The following GUCY2C variants were observed in gnomAD, a reference collection of about 807,000 sequenced individuals.
The protein encoded by GUCY2C is guanylyl cyclase C.
In GUCY2C, 118 loss-of-function variants were observed where a neutral mutation model predicts 131.1. The ratio of observed to expected loss-of-function variants is 0.90; its 90% CI spans 0.78 to 1.05. The LOEUF is 1.05. Ranked by LOEUF, GUCY2C falls within the 50% of genes least tolerant of loss-of-function variation. GUCY2C has a pLI of 0.00. For missense variants in GUCY2C, 1,161 were observed against 1,304.4 expected (o/e 0.89, Z 1.69); for synonymous variants, 452 against 457.8 (o/e 0.99, Z 0.16).
chr12:14,677,822 C>T (rs1343113544), intron 6 of GUCY2C, among the ~76,000 whole-genome samples: 3 of 151,142 alleles, frequency 2.0e-5, no homozygotes, highest in East Asian at 2.0e-4. Context: ...TCAGGTGATC[C>T]GCCTGTCTTG....
chr12:14,656,521 A>G lies in GUCY2C; in HGVS notation c.1461T>C (p.Val487=). 6.4e-7 allele frequency: 1 copy of G among 1,560,332 alleles called. No homozygotes were observed. Among genetic ancestry groups the G allele is most frequent in the Non-Finnish European group, 8.8e-7 (1 of 1,131,366 alleles). ...GTAAGGTAGGCTTTACCTTGAGGCT[A>G]ACATGATTGGTCTCATTGGTCTCCA... ...FPLETNETNH[V]SLKIDDDKRR... is the part of the protein sequence containing the mutation. The change falls in exon 12 of 27, where the codon GTT becomes GTC. Residue 487 remains valine (V), a synonymous_variant. Transcript: ENST00000261170.
intron 1 of GUCY2C, among the ~76,000 whole-genome samples, chr12:14,692,821 C>A (rs1257531937): frequency 2.6e-5 from 4 of 152,220 alleles, no homozygotes; most frequent in Admixed American, 6.5e-5. Flanking sequence ...TGCACTCCAG[C>A]CTGGGCAACA....
At chr12:14,689,735 C>T (rs2137108882) in intron 1 of GUCY2C, among the ~76,000 whole-genome samples, 1 of 152,210 alleles carries the variant, frequency 6.6e-6, no homozygotes, top group African/African-American at 2.4e-5. Flanking sequence ...TAGTGATGCA[C>T]CAAAATGTTA....
chr12:14,643,669 T>C lies in GUCY2C; in HGVS notation c.1835A>G (p.His612Arg), dbSNP rs1238942744. Residue 612 changes from histidine (H) to arginine (R), a missense_variant, in exon 17 of 27, where the codon CAT becomes CGT. His to Arg is a conservative substitution (Grantham distance 29). Transcript: ENST00000261170. Reference sequence around the variant, plus strand: ...GCAGTTGGTAGATTTCAGACGACCATGGACTTCTGTCTTACTGGAGTGCAG... The same window carrying C: ...GCAGTTGGTAGATTTCAGACGACCACGGACTTCTGTCTTACTGGAGTGCAG... Reference protein sequence around the residue: ...SYLHSSKTEVHGRLKSTNCVV... With the variant: ...SYLHSSKTEVRGRLKSTNCVV... 6.2e-7 allele frequency: 1 copy of C among 1,613,380 alleles called. No homozygotes were observed. The highest frequency in any genetic ancestry group is 1.3e-5 in the African/African-American group (1 of 75,034).
At chr12:14,664,623 G>A (rs947143925) in intron 10 of GUCY2C, among the ~76,000 whole-genome samples, 1 of 152,026 alleles carries the variant, frequency 6.6e-6, no homozygotes, top group African/African-American at 2.4e-5. Context: ...CTGCCTTCTG[G>A]TGGCTGCTGT....
rs776506885 is a variant in GUCY2C, at chr12:14,696,301, G to A, written c.148C>T (p.Pro50Ser). 1 of 1,614,110 alleles carries A rather than the reference G, an allele frequency of 6.2e-7. No homozygotes were observed. The highest frequency in any genetic ancestry group is 1.3e-5 in the African/African-American group (1 of 75,028). Residue 50 changes from proline to serine, a missense_variant, in exon 1 of 27, where the codon CCC becomes TCC. Physicochemically the swap from Pro to Ser is moderately conservative, Grantham distance 74 (BLOSUM62 -1). Coordinates refer to ENST00000261170, the MANE Select transcript of GUCY2C (RefSeq NM_004963.4). Reference protein sequence around the residue: ...LMMGNSAFAEPLKNLEDAVNE... With the variant: ...LMMGNSAFAESLKNLEDAVNE... The stretch of plus-strand genomic sequence containing the variant: ...ACCGCATCTTCCAAGTTTTTCAGGG[G>A]CTCTGCAAAGGCTGAGTTGCCCATC...
In GUCY2C at chr12:14,636,933, T is replaced by TA. The variant is rs913717688; in HGVS notation, c.2157+2928dup. Reference sequence around the variant, plus strand: ...GTGAAACCCCGTCTCTACTAAAATATAAAAAAAAAATTAGCTGGGCTTGGT... The same window carrying TA: ...GTGAAACCCCGTCTCTACTAAAATATAAAAAAAAAAATTAGCTGGGCTTGGT... On this transcript the variant is annotated intron_variant, in intron 19 of 26. Transcript: ENST00000261170. Among the ~76,000 whole-genome samples, 33 of 148,156 alleles carry TA rather than the reference T, an allele frequency of 2.2e-4. No homozygotes were observed. The South Asian group carries it at 2.8e-3, about 12-fold the overall frequency.
At chr12:14,685,273 G>A (rs577096669) in intron 3 of GUCY2C, among the ~76,000 whole-genome samples, 6 of 152,290 alleles carry the variant, frequency 3.9e-5, no homozygotes, top group South Asian at 2.1e-4. Context: ...GGATCTGTCC[G>A]CATTTTGGTA....
At chr12:14,634,923 C>G (rs1468177043) in intron 19 of GUCY2C, among the ~76,000 whole-genome samples, 1 of 152,064 alleles carries the variant, frequency 6.6e-6, no homozygotes, top group Non-Finnish European at 1.5e-5. Flanking sequence ...TATAACAATT[C>G]TAAACATATA....
intron 19 of GUCY2C, among the ~76,000 whole-genome samples, chr12:14,636,305 T>C (rs2137009691): frequency 6.6e-6 from 1 of 152,256 alleles, no homozygotes; most frequent in South Asian, 2.1e-4. Flanking sequence ...ATTTAACATA[T>C]GCAAATCAAT....
At chr12:14,695,588 G>A (rs1948641574) in intron 1 of GUCY2C, among the ~76,000 whole-genome samples, 1 of 124,918 alleles carries the variant, frequency 8.0e-6, no homozygotes, top group Non-Finnish European at 1.6e-5. Context: ...GTGACAGAGT[G>A]AGACTCCATC....
intron 15 of GUCY2C, among the ~76,000 whole-genome samples, chr12:14,648,657 A>T (rs1402187849): frequency 6.6e-6 from 1 of 152,180 alleles, no homozygotes; most frequent in Non-Finnish European, 1.5e-5. Flanking sequence ...TTACGATGGC[A>T]TATGTATTCC....
At position 14,681,312 on chromosome 12, in the gene GUCY2C, AAAG is replaced by A. The variant is rs768161906; in HGVS notation, c.733+41_733+43del. 20 of 1,582,190 alleles carry A rather than the reference AAAG, an allele frequency of 1.3e-5. No individual in the cohort carries two copies. The South Asian group carries it at 1.9e-4, about 15-fold the overall frequency. ...TGACTTATAAGGAGGTGGTAGTCAT[AAAG>A]AAGAAGTTAGCAAAAAACAATTATC... is the stretch of plus-strand genomic sequence containing the variant. On this transcript the variant is annotated intron_variant, in intron 5 of 26. Coordinates refer to ENST00000261170, the MANE Select transcript of GUCY2C (RefSeq NM_004963.4).
chr12:14,628,718 T>C lies in GUCY2C; in HGVS notation c.2177A>G (p.Asn726Ser), dbSNP rs1431388793. 1 of 1,591,446 alleles carries C rather than the reference T, an allele frequency of 6.3e-7. No individual in the cohort carries two copies. The highest frequency in any genetic ancestry group is 1.7e-5 in the Admixed American group (1 of 59,328). Residue 726 changes from asparagine (N) to serine (S), a missense_variant, in exon 20 of 27, where the codon AAC becomes AGC. Asn to Ser is a conservative substitution (Grantham distance 46, BLOSUM62 1). Transcript: ENST00000261170. ...KELEVYLLVK[N>S]CWEEDPEKRP... The stretch of plus-strand genomic sequence containing the variant: ...CTTTTCTGGATCTTCCTCCCAACAG[T>C]TTTTTACAAGTAGGTACACCTGGAA...
In GUCY2C at chr12:14,622,182, A is replaced by G; in HGVS notation, c.2424T>C (p.Ser808=). ...FMLLPRLVVK[S]LKEKGFVEPE... ...GCTCCACAAAGCCTTTCTCCTTCAG[A>G]GACTTTACCACTAGCCTAGATGAAC... Residue 808 remains serine, a synonymous_variant, in exon 22 of 27, where the codon TCT becomes TCC. Coordinates refer to ENST00000261170, the MANE Select transcript of GUCY2C (RefSeq NM_004963.4). 6.4e-7 allele frequency: 1 copy of G among 1,552,458 alleles called. No homozygotes were observed. The highest frequency in any genetic ancestry group is 8.7e-7 in the Non-Finnish European group (1 of 1,155,124).
At chr12:14,632,176 T>C (rs1398994048) in intron 19 of GUCY2C, among the ~76,000 whole-genome samples, 3 of 152,146 alleles carry the variant, frequency 2.0e-5, no homozygotes, top group African/African-American at 4.8e-5. Flanking sequence ...ATTTTGTAGG[T>C]TGCCTGTTCA....
intron 8 of GUCY2C, among the ~76,000 whole-genome samples, chr12:14,673,818 G>A (rs1948166362): frequency 6.6e-6 from 1 of 152,254 alleles, no homozygotes; most frequent in Non-Finnish European, 1.5e-5. Flanking sequence ...TGGGACACAT[G>A]GGATGACCAA....
Position 14,622,210 on chromosome 12 carries a change from AG to A in GUCY2C, c.2409-14del. On this transcript the variant is annotated splice_polypyrimidine_tract_variant and intron_variant, in intron 21 of 26. Transcript: ENST00000261170. ...CTTTACCACTAGCCTAGATGAACGAAGGGAAAAAAAATGCCTTCAACTTCAG... is the reference window on the plus strand; with the variant it reads ...CTTTACCACTAGCCTAGATGAACGAAGGAAAAAAAATGCCTTCAACTTCAG... The A allele has an allele frequency of 6.8e-7, 1 of 1,473,372 alleles. No individual in the cohort carries two copies. The highest frequency in any genetic ancestry group is 9.0e-7 in the Non-Finnish European group (1 of 1,113,186). The allele number at this position is 1,473,372 out of a possible 1,614,324, so 91.3% of individuals were successfully genotyped here.
intron 10 of GUCY2C, among the ~76,000 whole-genome samples, chr12:14,667,801 C>T (rs1229949127): frequency 1.3e-5 from 2 of 151,898 alleles, no homozygotes; most frequent in Non-Finnish European, 2.9e-5. Context: ...CAGAGGACAC[C>T]ACTCTTAACA....
Sources: gnomAD v4.1 joint callset for allele counts (sites outside exome capture counted in the v4.1 genomes callset) on GRCh38, gnomAD v4.1.1 for gene constraint, MANE v1.5 for transcripts, NCBI Gene and HGNC (gene_info 2026-07-23, HGNC 2026-07-21) for gene names.